Variants in GRXCR1 observed in about 807,000 individuals in gnomAD.
GRXCR1 encodes the protein glutaredoxin domain-containing cysteine-rich protein 1.
In GRXCR1, 27 loss-of-function variants were observed where a neutral mutation model predicts 27.3. The observed-to-expected ratio is 0.99, with a 90% CI of 0.73 to 1.37. The LOEUF is 1.37. Ranked by LOEUF, GRXCR1 falls within the 40% of genes most tolerant of loss-of-function variation. GRXCR1 has a pLI of 0.00. For missense variants in GRXCR1, 379 were observed against 354.4 expected, an observed-to-expected ratio of 1.07 and a Z score of -0.56; for synonymous variants, 122 against 131.1, an observed-to-expected ratio of 0.93 and a Z score of 0.47.
chr4:43,024,065 A>T (rs1379079080), intron 3 of GRXCR1, among the ~76,000 whole-genome samples: 1 of 152,136 alleles, frequency 6.6e-6, no homozygotes, highest in Non-Finnish European at 1.5e-5. Context: ...GTTCTGGCAG[A>T]CACTGAATTA....
intron 1 of GRXCR1, among the ~76,000 whole-genome samples, chr4:42,905,708 C>T (rs559115591): frequency 1.3e-5 from 2 of 152,282 alleles, no homozygotes; most frequent in South Asian, 4.1e-4. Context: ...ACATTCCTTA[C>T]AGGTGTGCCT....
intron 1 of GRXCR1, among the ~76,000 whole-genome samples, chr4:42,942,721 C>G (rs1199096997): frequency 3.9e-5 from 6 of 152,100 alleles, no homozygotes; most frequent in Non-Finnish European, 8.8e-5. Context: ...TGCTGGTGAT[C>G]TGTTGACCAC....
At chr4:42,990,222 C>T (rs1177645963) in intron 2 of GRXCR1, among the ~76,000 whole-genome samples, 10 of 86,450 alleles carry the variant, frequency 1.2e-4, no homozygotes, top group South Asian at 4.7e-4. Flanking sequence ...GACGGAGTCT[C>T]GCTCTGTCGC....
chr4:43,004,369 TG>T (rs1712481431), intron 2 of GRXCR1, among the ~76,000 whole-genome samples: 2 of 152,122 alleles, frequency 1.3e-5, no homozygotes, highest in Non-Finnish European at 2.9e-5. Flanking sequence ...AGAAGGGAAA[TG>T]TGGGGTTGGA....
At chr4:42,979,327 A>T (rs1009584786) in intron 2 of GRXCR1, among the ~76,000 whole-genome samples, 3 of 152,068 alleles carry the variant, frequency 2.0e-5, no homozygotes, top group African/African-American at 7.2e-5. Context: ...AGTTTGTGAT[A>T]TACGGCCTTT....
At chr4:42,958,837 A>G (rs917301734) in intron 1 of GRXCR1, among the ~76,000 whole-genome samples, 1 of 152,092 alleles carries the variant, frequency 6.6e-6, no homozygotes. Flanking sequence ...ATAATATGGA[A>G]ACCACAATGG....
chr4:43,018,402 C>T (rs1712997939), intron 2 of GRXCR1, among the ~76,000 whole-genome samples: 1 of 152,192 alleles, frequency 6.6e-6, no homozygotes, highest in Non-Finnish European at 1.5e-5. Context: ...TCTTGAAAAT[C>T]AGTGACCATT....
At chr4:42,919,300 A>T (rs1746955112) in intron 1 of GRXCR1, among the ~76,000 whole-genome samples, 1 of 152,078 alleles carries the variant, frequency 6.6e-6, no homozygotes, top group Non-Finnish European at 1.5e-5. Flanking sequence ...GGTTCTTGTT[A>T]GTTATCCTCA....
intron 2 of GRXCR1, among the ~76,000 whole-genome samples, chr4:43,009,891 C>T (rs545645533): frequency 6.6e-6 from 1 of 152,140 alleles, no homozygotes; most frequent in East Asian, 1.9e-4. Flanking sequence ...ATCTATGTGC[C>T]TATATATCAT....
At chr4:42,985,811 C>T (rs1011927772) in intron 2 of GRXCR1, among the ~76,000 whole-genome samples, 1 of 151,886 alleles carries the variant, frequency 6.6e-6, no homozygotes, top group East Asian at 1.9e-4. Flanking sequence ...AAAGTTAAAA[C>T]AAATACAATA....
intron 3 of GRXCR1, among the ~76,000 whole-genome samples, chr4:43,022,698 A>C (rs902324101): frequency 6.6e-6 from 1 of 152,200 alleles, no homozygotes; most frequent in African/African-American, 2.4e-5. Flanking sequence ...TAAAGAGACC[A>C]GGTGAAATGA....
In GRXCR1 at chr4:42,990,437, C is replaced by T. The variant is rs1308041530; in HGVS notation, c.627+27303C>T. On this transcript the variant is annotated intron_variant, in intron 2 of 3. Transcript: ENST00000399770. The stretch of plus-strand genomic sequence containing the variant: ...CGATCTCCTGACCTCGTGATCTGCC[C>T]GCCTCGGCCTCCCAAAGTGCTAGTT... Among the ~76,000 whole-genome samples the T allele has an allele frequency of 4.6e-5, 7 of 151,320 alleles. No individual in the cohort carries two copies. In the South Asian group the frequency reaches 6.3e-4, roughly 14 times the overall value.
intron 1 of GRXCR1, among the ~76,000 whole-genome samples, chr4:42,897,328 A>G (rs1746367976): frequency 6.6e-6 from 1 of 152,088 alleles, no homozygotes; most frequent in African/African-American, 2.4e-5. Flanking sequence ...TTATCCTCAA[A>G]CTGTGTGAAT....
rs78802364 is a variant in GRXCR1, at chr4:42,930,476, T to C, written c.385-32416T>C. 1.4e-3 allele frequency among the ~76,000 whole-genome samples: 211 copies of C among 152,118 alleles called. 4 individuals carry two copies. In the East Asian group the frequency reaches 0.04, roughly 29 times the overall value. ...TGTGCAATAGGTTATATTCAAAATC[T>C]CTGTGTTTCCTATCTCTCCTCTCCT... is the stretch of plus-strand genomic sequence containing the variant. On this transcript the variant is annotated intron_variant, in intron 1 of 3. Coordinates refer to ENST00000399770, the MANE Select transcript of GRXCR1 (RefSeq NM_001080476.3).
intron 3 of GRXCR1, among the ~76,000 whole-genome samples, chr4:43,029,441 T>G (rs142990502): frequency 1.2e-3 from 190 of 152,286 alleles, no homozygotes; most frequent in African/African-American, 4.4e-3. Flanking sequence ...GTCGGAAGCT[T>G]AGTATCAATT....
At chr4:42,997,677 C>T (rs1425579046) in intron 2 of GRXCR1, among the ~76,000 whole-genome samples, 3 of 152,180 alleles carry the variant, frequency 2.0e-5, no homozygotes, top group Non-Finnish European at 4.4e-5. Flanking sequence ...CACCCCAGGG[C>T]CCGGAATCAG....
At chr4:42,989,007 C>T (rs1577934360) in intron 2 of GRXCR1, among the ~76,000 whole-genome samples, 1 of 152,320 alleles carries the variant, frequency 6.6e-6, no homozygotes, top group East Asian at 1.9e-4. Flanking sequence ...AAAAGGGGAT[C>T]ACCCACAGGC....
intron 2 of GRXCR1, among the ~76,000 whole-genome samples, chr4:43,002,466 A>G (rs548435794): frequency 7.2e-5 from 11 of 152,198 alleles, no homozygotes; most frequent in Non-Finnish European, 1.6e-4. Context: ...CCTTGATTTT[A>G]TACAACACAT....
intron 1 of GRXCR1, among the ~76,000 whole-genome samples, chr4:42,931,440 G>A (rs1479250835): frequency 6.6e-6 from 1 of 151,794 alleles, no homozygotes; most frequent in Non-Finnish European, 1.5e-5. Context: ...TTTTTTGTTG[G>A]TAGGGGGAGA....
Sources: allele counts gnomAD v4.1 joint callset (sites outside exome capture counted in the v4.1 genomes callset), GRCh38; gene constraint gnomAD v4.1.1; transcripts MANE v1.5; gene names NCBI Gene and HGNC (gene_info 2026-07-23, HGNC 2026-07-21).